Variants in FAM171A1 observed in about 807,000 individuals in gnomAD.
FAM171A1 encodes the protein protein FAM171A1.
In FAM171A1, 23 loss-of-function variants were observed where a neutral mutation model predicts 74.9. The observed-to-expected ratio is 0.31, with a 90% CI of 0.22 to 0.44. FAM171A1 has a LOEUF of 0.44. Among genes scored for constraint, FAM171A1 ranks in the 20% least tolerant of loss-of-function variants. FAM171A1 has a pLI of 1.00. For missense variants in FAM171A1, 1,162 were observed against 1,159.2 expected, an observed-to-expected ratio of 1.00 and a Z score of -0.03; for synonymous variants, 527 against 505.7, an observed-to-expected ratio of 1.04 and a Z score of -0.57.
At chr10:15,217,085 T>G (rs184387123) in intron 6 of FAM171A1, among the ~76,000 whole-genome samples, 5 of 152,316 alleles carry the variant, frequency 3.3e-5, no homozygotes, top group Non-Finnish European at 5.9e-5. Context: ...TGGCCAGAGA[T>G]CTCTTTAGAA....
intron 1 of FAM171A1, among the ~76,000 whole-genome samples, chr10:15,340,856 T>C (rs1835756949): frequency 1.3e-5 from 2 of 152,106 alleles, no homozygotes; most frequent in African/African-American, 2.4e-5. Flanking sequence ...GGGGAAAGAA[T>C]GTCACTCAGG....
intron 1 of FAM171A1, among the ~76,000 whole-genome samples, chr10:15,348,267 C>T (rs995694322): frequency 6.6e-6 from 1 of 152,194 alleles, no homozygotes; most frequent in African/African-American, 2.4e-5. Context: ...GCGTGAGCCA[C>T]TGTGCCTGGC....
chr10:15,336,263 G>T (rs549755600), intron 1 of FAM171A1, among the ~76,000 whole-genome samples: 1 of 152,104 alleles, frequency 6.6e-6, no homozygotes, highest in African/African-American at 2.4e-5. Flanking sequence ...TGGGGCTTGT[G>T]GTATTATGCA....
intron 5 of FAM171A1, among the ~76,000 whole-genome samples, chr10:15,236,270 T>C (rs1834288305): frequency 7.5e-6 from 1 of 133,258 alleles, no homozygotes; most frequent in Admixed American, 8.4e-5. Flanking sequence ...TACCTGTCCT[T>C]TTATATCATG....
At chr10:15,349,691 T>G (rs1038658510) in intron 1 of FAM171A1, among the ~76,000 whole-genome samples, 1 of 152,188 alleles carries the variant, frequency 6.6e-6, no homozygotes, top group Non-Finnish European at 1.5e-5. Flanking sequence ...GGCACCGATC[T>G]GGGTGTAAAT....
At chr10:15,234,290 G>T (rs1188104207) in intron 5 of FAM171A1, among the ~76,000 whole-genome samples, 1 of 152,150 alleles carries the variant, frequency 6.6e-6, no homozygotes, top group Non-Finnish European at 1.5e-5. Context: ...CAAAGCTACA[G>T]TTTCAAAATA....
chr10:15,287,732 G>C (rs545383766), intron 1 of FAM171A1, among the ~76,000 whole-genome samples: 3 of 152,086 alleles, frequency 2.0e-5, no homozygotes, highest in Non-Finnish European at 4.4e-5. Flanking sequence ...GTGTCCCCAA[G>C]TAGTATACTA....
chr10:15,224,851 CCT>C (rs1427167377), intron 5 of FAM171A1, among the ~76,000 whole-genome samples: 1 of 152,176 alleles, frequency 6.6e-6, no homozygotes, highest in Non-Finnish European at 1.5e-5. Context: ...TCCCCAACCC[CCT>C]CTTTAGTTCC....
chr10:15,323,630 G>T (rs910064114), intron 1 of FAM171A1, among the ~76,000 whole-genome samples: 26 of 152,062 alleles, frequency 1.7e-4, no homozygotes, highest in African/African-American at 6.3e-4. Context: ...AGAAAAAGGG[G>T]AGCTAATTAT....
At chr10:15,265,558 T>C (rs1426894665) in intron 3 of FAM171A1, among the ~76,000 whole-genome samples, 1 of 102,230 alleles carries the variant, frequency 9.8e-6, no homozygotes, top group Non-Finnish European at 1.7e-5. Context: ...GAGGCAACAA[T>C]GAGCTGAGAT....
intron 1 of FAM171A1, among the ~76,000 whole-genome samples, chr10:15,322,199 A>G (rs1279609869): frequency 1.3e-5 from 2 of 152,204 alleles, no homozygotes; most frequent in Non-Finnish European, 2.9e-5. Context: ...ATTGTTCTAA[A>G]TGGACAAATA....
chr10:15,312,369 GT>G, intron 1 of FAM171A1, among the ~76,000 whole-genome samples: 1 of 152,294 alleles, frequency 6.6e-6, no homozygotes, highest in South Asian at 2.1e-4. Context: ...TGCTGCTATG[GT>G]GGGGAGCTTT....
intron 1 of FAM171A1, among the ~76,000 whole-genome samples, chr10:15,350,741 C>A (rs530758936): frequency 6.6e-6 from 1 of 151,662 alleles, no homozygotes; most frequent in Non-Finnish European, 1.5e-5. Context: ...CAGGTTCGAG[C>A]GATCGATACT....
At chr10:15,255,973 T>C (rs780917540) in intron 3 of FAM171A1, among the ~76,000 whole-genome samples, 3 of 152,134 alleles carry the variant, frequency 2.0e-5, no homozygotes, top group African/African-American at 7.2e-5. Context: ...TCATAAAACC[T>C]GAACTGGTTT....
At chr10:15,305,606 G>A (rs1482481742) in intron 1 of FAM171A1, among the ~76,000 whole-genome samples, 2 of 142,692 alleles carry the variant, frequency 1.4e-5, no homozygotes, top group Non-Finnish European at 3.0e-5. Context: ...GTTTGAGGCT[G>A]CAGTGAGAAG....
At chr10:15,349,527 T>C (rs955109551) in intron 1 of FAM171A1, among the ~76,000 whole-genome samples, 4 of 152,188 alleles carry the variant, frequency 2.6e-5, no homozygotes, top group African/African-American at 9.7e-5. Context: ...AAGAGGCCAC[T>C]AGCCACACTG....
chr10:15,229,909 CCACCATCACCAACATCAT>C (rs1834181162), intron 5 of FAM171A1, among the ~76,000 whole-genome samples: 3 of 80,906 alleles, frequency 3.7e-5, no homozygotes, highest in African/African-American at 4.9e-5. Context: ...ATCACCATCA[CCACCATCACCAACATCAT>C]CATCATCACC....
At chr10:15,363,196 T>C (rs767391095) in intron 1 of FAM171A1, among the ~76,000 whole-genome samples, 6 of 152,170 alleles carry the variant, frequency 3.9e-5, no homozygotes, top group Non-Finnish European at 8.8e-5. Flanking sequence ...AAGACAGGCA[T>C]GGAGGTCGTA....
At chr10:15,300,162 A>T (rs1004226290) in intron 1 of FAM171A1, among the ~76,000 whole-genome samples, 5 of 152,210 alleles carry the variant, frequency 3.3e-5, no homozygotes, top group Non-Finnish European at 1.5e-5. Context: ...TTTTCCAAGA[A>T]AGATATTCAA....
Sources: gnomAD v4.1 joint callset for allele counts (sites outside exome capture counted in the v4.1 genomes callset) on GRCh38, gnomAD v4.1.1 for gene constraint, MANE v1.5 for transcripts, NCBI Gene and HGNC (gene_info 2026-07-23, HGNC 2026-07-21) for gene names.